SLC1A1: variants seen among roughly 807,000 people sequenced by gnomAD.
SLC1A1 encodes solute carrier family 1 member 1, also known as excitatory amino acid transporter 3.
SLC1A1 carries 43 observed loss-of-function variants against 53.3 expected under a neutral mutation model. The ratio of observed to expected loss-of-function variants is 0.81; its 90% CI spans 0.63 to 1.04. The LOEUF (loss-of-function observed/expected upper bound fraction) is 1.04. Among genes scored for constraint, SLC1A1 ranks in the 50% least tolerant of loss-of-function variants. SLC1A1 has a pLI of 0.00. For missense variants in SLC1A1, 748 were observed against 664.9 expected (o/e 1.12, Z -1.37); for synonymous variants, 307 against 243.2 (o/e 1.26, Z -2.44).
At chr9:4,514,430 T>G (rs1458527556) in intron 1 of SLC1A1, among the ~76,000 whole-genome samples, 1 of 152,194 alleles carries the variant, frequency 6.6e-6, no homozygotes, top group Non-Finnish European at 1.5e-5. Flanking sequence ...TAAGATAACA[T>G]TCACACGGCC....
chr9:4,567,033 A>G (rs1819554667), intron 5 of SLC1A1, among the ~76,000 whole-genome samples: 1 of 152,144 alleles, frequency 6.6e-6, no homozygotes, highest in South Asian at 2.1e-4. Context: ...TAAGGTTCTC[A>G]GTGTTGGCAG....
chr9:4,531,279 C>A (rs931142812), intron 1 of SLC1A1, among the ~76,000 whole-genome samples: 1 of 152,230 alleles, frequency 6.6e-6, no homozygotes, highest in Non-Finnish European at 1.5e-5. Context: ...CCGGGAAGCA[C>A]AAGGGGTCAG....
intron 1 of SLC1A1, among the ~76,000 whole-genome samples, chr9:4,520,190 C>T (rs912699441): frequency 3.9e-5 from 6 of 152,118 alleles, no homozygotes; most frequent in East Asian, 1.9e-4. Flanking sequence ...TATTTCCAGA[C>T]GGTGAGACTT....
chr9:4,544,896 A>C (rs1028174651), intron 2 of SLC1A1, among the ~76,000 whole-genome samples, 189 bp downstream of exon 2: 5 of 152,222 alleles, frequency 3.3e-5, no homozygotes, highest in Non-Finnish European at 7.3e-5. Flanking sequence ...CTCCTTCACA[A>C]GGTGGCAGGA....
intron 1 of SLC1A1, among the ~76,000 whole-genome samples, chr9:4,535,443 G>T (rs929636129): frequency 6.6e-6 from 1 of 152,092 alleles, no homozygotes; most frequent in Non-Finnish European, 1.5e-5. Flanking sequence ...AATCATGAGT[G>T]AACTCCCATT....
At chr9:4,518,568 C>G (rs1815948278) in intron 1 of SLC1A1, among the ~76,000 whole-genome samples, 1 of 152,178 alleles carries the variant, frequency 6.6e-6, no homozygotes, top group Non-Finnish European at 1.5e-5. Context: ...TGCTCTCCCT[C>G]TGTAGACATC....
At chr9:4,546,341 T>C (rs1396240359) in intron 2 of SLC1A1, among the ~76,000 whole-genome samples, 1 of 152,178 alleles carries the variant, frequency 6.6e-6, no homozygotes, top group African/African-American at 2.4e-5. Context: ...ATTTGTCCCA[T>C]GTAATATTTG....
chr9:4,567,913 C>G, intron 6 of SLC1A1, 146 bp downstream of exon 6: 1 of 706,074 alleles, frequency 1.4e-6, no homozygotes, highest in South Asian at 1.5e-5. Context: ...CCCCAAAATC[C>G]ATACTTAAGG....
At chr9:4,495,697 C>T (rs985598562) in intron 1 of SLC1A1, among the ~76,000 whole-genome samples, 5 of 151,128 alleles carry the variant, frequency 3.3e-5, no homozygotes, top group Non-Finnish European at 2.9e-5. Flanking sequence ...GGAGGTGAGG[C>T]TGGGGGCAGA....
chr9:4,492,405 C>T (rs557588824), intron 1 of SLC1A1, among the ~76,000 whole-genome samples: 2 of 151,300 alleles, frequency 1.3e-5, no homozygotes, highest in Non-Finnish European at 2.9e-5. Flanking sequence ...TTGCTTGAAC[C>T]CAGAAGGCAG....
intron 1 of SLC1A1, among the ~76,000 whole-genome samples, chr9:4,529,147 G>C (rs1267016690): frequency 6.6e-6 from 1 of 152,124 alleles, no homozygotes; most frequent in East Asian, 1.9e-4. Flanking sequence ...GCCACTTACA[G>C]GATTCGCACA....
At chr9:4,581,706 T>C (rs1821113362) in intron 10 of SLC1A1, among the ~76,000 whole-genome samples, 1 of 152,228 alleles carries the variant, frequency 6.6e-6, no homozygotes, top group East Asian at 1.9e-4. Context: ...CAAAGGGTTA[T>C]AGAGGCCAGA....
At chr9:4,513,706 G>C (rs559093464) in intron 1 of SLC1A1, among the ~76,000 whole-genome samples, 1 of 152,288 alleles carries the variant, frequency 6.6e-6, no homozygotes, top group South Asian at 2.1e-4. Flanking sequence ...CTGTGTATAG[G>C]TCCTAGAGAA....
intron 1 of SLC1A1, among the ~76,000 whole-genome samples, chr9:4,532,803 C>G (rs1269871506): frequency 1.3e-5 from 2 of 152,112 alleles, no homozygotes; most frequent in Non-Finnish European, 2.9e-5. Context: ...ATGTTAAGGG[C>G]AGCCAGAGAG....
At chr9:4,543,124 T>C (rs1817160562) in intron 1 of SLC1A1, among the ~76,000 whole-genome samples, 3 of 152,226 alleles carry the variant, frequency 2.0e-5, no homozygotes, top group South Asian at 2.1e-4. Flanking sequence ...ATGGGAAGGA[T>C]GCCTGAATTT....
chr9:4,530,462 T>A (rs1816425955), intron 1 of SLC1A1, among the ~76,000 whole-genome samples: 1 of 152,174 alleles, frequency 6.6e-6, no homozygotes, highest in African/African-American at 2.4e-5. Context: ...GATGCTGGTT[T>A]AACACAGTCA....
chr9:4,512,801 G>A (rs549822112), intron 1 of SLC1A1, among the ~76,000 whole-genome samples: 2 of 151,962 alleles, frequency 1.3e-5, no homozygotes, highest in South Asian at 4.2e-4. Flanking sequence ...GTCTCACTCT[G>A]TCTCCCAGGT....
At chr9:4,580,658 G>A (rs768949045) in intron 10 of SLC1A1, among the ~76,000 whole-genome samples, 1 of 40,228 alleles carries the variant, frequency 2.5e-5, no homozygotes, top group Non-Finnish European at 4.7e-5. Flanking sequence ...TGTGTATAAG[G>A]AATAAAGAAG....
intron 2 of SLC1A1, among the ~76,000 whole-genome samples, chr9:4,550,495 A>G (rs1449356183): frequency 6.6e-6 from 1 of 152,140 alleles, no homozygotes; most frequent in African/African-American, 2.4e-5. Context: ...GACTCAAGCC[A>G]TCCTTCCACC....
Sources: gnomAD v4.1 joint callset for allele counts (sites outside exome capture counted in the v4.1 genomes callset) on GRCh38, gnomAD v4.1.1 for gene constraint, MANE v1.5 for transcripts, NCBI Gene and HGNC (gene_info 2026-07-23, HGNC 2026-07-21) for gene names.